Variants in AGBL4 observed in about 807,000 individuals in gnomAD.
AGBL4 encodes AGBL carboxypeptidase 4, also known as cytosolic carboxypeptidase 6.
AGBL4 carries 58 observed loss-of-function variants against 66.4 expected under a neutral mutation model. The ratio of observed to expected loss-of-function variants is 0.87; its 90% CI spans 0.71 to 1.09. The LOEUF is 1.09. AGBL4 is among the 50% of genes least tolerant of loss of function. The pLI, the probability that AGBL4 is intolerant of heterozygous loss-of-function variation, is 0.00. For missense variants in AGBL4, 579 were observed against 631.0 expected (o/e 0.92, Z 0.88); for synonymous variants, 234 against 222.9 (o/e 1.05, Z -0.44).
At chr1:48,802,165 T>G (rs1266103871) in intron 6 of AGBL4, among the ~76,000 whole-genome samples, 1 of 152,204 alleles carries the variant, frequency 6.6e-6, no homozygotes, top group East Asian at 1.9e-4. Context: ...TTGCTTCTCC[T>G]TATATTCTAC....
intron 5 of AGBL4, among the ~76,000 whole-genome samples, chr1:48,873,846 G>A (rs554521760): frequency 1.3e-5 from 2 of 152,170 alleles, no homozygotes; most frequent in Non-Finnish European, 2.9e-5. Context: ...GGGTAGTTAC[G>A]AGTCTATGGT....
intron 5 of AGBL4, among the ~76,000 whole-genome samples, chr1:49,020,193 A>G (rs999478430): frequency 1.1e-4 from 16 of 152,110 alleles, no homozygotes; most frequent in African/African-American, 3.6e-4. Flanking sequence ...GGTTAGTTTT[A>G]CTAATGTGGC....
intron 3 of AGBL4, among the ~76,000 whole-genome samples, chr1:49,260,061 G>A (rs1356051752): frequency 6.7e-6 from 1 of 150,262 alleles, no homozygotes; most frequent in Non-Finnish European, 1.5e-5. Flanking sequence ...ATGACTACTG[G>A]GTACATAACA....
chr1:49,373,778 T>C (rs1465575862), intron 3 of AGBL4, among the ~76,000 whole-genome samples: 2 of 152,152 alleles, frequency 1.3e-5, no homozygotes, highest in East Asian at 3.9e-4. Flanking sequence ...ATTAAAAAAA[T>C]ATCTCCAGGA....
At chr1:48,797,001 C>T (rs1223805456) in intron 6 of AGBL4, among the ~76,000 whole-genome samples, 3 of 152,042 alleles carry the variant, frequency 2.0e-5, no homozygotes, top group South Asian at 2.1e-4. Flanking sequence ...GATATGCACA[C>T]CCTAAGAAAA....
intron 3 of AGBL4, among the ~76,000 whole-genome samples, chr1:49,263,368 A>G (rs893626764): frequency 1.3e-5 from 2 of 152,106 alleles, no homozygotes; most frequent in Non-Finnish European, 2.9e-5. Flanking sequence ...ACAAAAAAAG[A>G]TAAAAAAATA....
intron 5 of AGBL4, among the ~76,000 whole-genome samples, chr1:49,035,463 C>T (rs116604984): frequency 0.013 from 1,926 of 152,276 alleles, 38 homozygotes; most frequent in African/African-American, 0.043. Context: ...ATTTGGCTTT[C>T]TGACTCAGGG....
intron 5 of AGBL4, among the ~76,000 whole-genome samples, chr1:48,936,501 TGCAATGGGCCCTTACA>T (rs1247708166): frequency 6.6e-6 from 1 of 152,200 alleles, no homozygotes; most frequent in African/African-American, 2.4e-5. Context: ...GATTGGCAAC[TGCAATGGGCCCTTACA>T]GTCCCCTCAG....
chr1:49,115,274 A>C (rs139803273), intron 4 of AGBL4, among the ~76,000 whole-genome samples: 1 of 152,308 alleles, frequency 6.6e-6, no homozygotes, highest in Admixed American at 6.5e-5. Flanking sequence ...GTCACACAAA[A>C]TATCAATACA....
intron 1 of AGBL4, among the ~76,000 whole-genome samples, chr1:50,018,344 A>G (rs958197507): frequency 6.6e-6 from 1 of 152,162 alleles, no homozygotes; most frequent in Non-Finnish European, 1.5e-5. Context: ...ATAAATGAGG[A>G]ATATAAAAAG....
chr1:49,667,388 G>T (rs1646391906), intron 3 of AGBL4, among the ~76,000 whole-genome samples: 1 of 151,988 alleles, frequency 6.6e-6, no homozygotes, highest in Non-Finnish European at 1.5e-5. Flanking sequence ...AGCCGGGGAG[G>T]TCAAGGCTTC....
At chr1:49,445,014 A>G (rs1227779098) in intron 3 of AGBL4, among the ~76,000 whole-genome samples, 1 of 151,272 alleles carries the variant, frequency 6.6e-6, no homozygotes, top group African/African-American at 2.4e-5. Flanking sequence ...TTCCAGGTTT[A>G]GGACTCCCTT....
At position 49,714,569 on chromosome 1, in the gene AGBL4, C is replaced by CATATATATAT. The variant is rs60965691; in HGVS notation, c.158-17142_158-17133dup. 5.2e-3 allele frequency among the ~76,000 whole-genome samples: 732 copies of CATATATATAT among 141,808 alleles called. 6 individuals are homozygous for CATATATATAT. Among genetic ancestry groups the CATATATATAT allele is most frequent in the African/African-American group, 0.016 (604 of 36,978 alleles). 93.0% of individuals were successfully genotyped at this position (141,808 alleles called of 152,430 possible). A position where few individuals can be genotyped will look rare whatever the true frequency, so the allele number is the denominator to read the frequency against. On this transcript the variant is annotated intron_variant, in intron 2 of 13. Coordinates refer to ENST00000371839, the MANE Select transcript of AGBL4 (RefSeq NM_032785.4). The stretch of plus-strand genomic sequence containing the variant: ...GTTTGTTATAGTTGAGTAGTATTTA[C>CATATATATAT]ATATATATATATATATATATATATA...
intron 2 of AGBL4, among the ~76,000 whole-genome samples, chr1:49,771,214 T>C (rs777008156): frequency 6.6e-6 from 1 of 152,154 alleles, no homozygotes; most frequent in Non-Finnish European, 1.5e-5. Flanking sequence ...TTCTTGTTTG[T>C]CTCAAGTAAT....
At chr1:48,947,094 C>G (rs1054185848) in intron 5 of AGBL4, among the ~76,000 whole-genome samples, 3 of 152,240 alleles carry the variant, frequency 2.0e-5, no homozygotes, top group Non-Finnish European at 4.4e-5. Flanking sequence ...TCTGCACCTT[C>G]CCTGTTACTT....
At chr1:49,679,729 A>G (rs1646651344) in intron 3 of AGBL4, among the ~76,000 whole-genome samples, 1 of 152,112 alleles carries the variant, frequency 6.6e-6, no homozygotes, top group South Asian at 2.1e-4. Context: ...GTTTTTCAAT[A>G]TATCTTTTTC....
intron 5 of AGBL4, among the ~76,000 whole-genome samples, chr1:48,882,091 C>G (rs1570912998): frequency 6.6e-6 from 1 of 152,172 alleles, no homozygotes; most frequent in Non-Finnish European, 1.5e-5. Flanking sequence ...AAGAGTCTAG[C>G]TTTGCTGCCC....
chr1:48,648,509 G>T (rs1336035463), intron 8 of AGBL4, among the ~76,000 whole-genome samples: 7 of 152,164 alleles, frequency 4.6e-5, no homozygotes, highest in Non-Finnish European at 1.0e-4. Flanking sequence ...CTTGTCCAAG[G>T]ACAAATAAGA....
chr1:48,716,781 G>A (rs906478683), intron 6 of AGBL4, among the ~76,000 whole-genome samples: 1 of 152,176 alleles, frequency 6.6e-6, no homozygotes, highest in African/African-American at 2.4e-5. Context: ...AGCAACTCTG[G>A]TTAGCTCTGG....
Sources: gnomAD v4.1 joint callset for allele counts (sites outside exome capture counted in the v4.1 genomes callset) on GRCh38, gnomAD v4.1.1 for gene constraint, MANE v1.5 for transcripts, NCBI Gene and HGNC (gene_info 2026-07-23, HGNC 2026-07-21) for gene names.